ALCAM: variants seen among roughly 807,000 people sequenced by gnomAD.
ALCAM encodes the protein activated leukocyte cell adhesion molecule, also known as CD166 antigen.
ALCAM carries 30 observed loss-of-function variants against 70.9 expected under a neutral mutation model. The ratio of observed to expected loss-of-function variants is 0.42; its 90% CI spans 0.32 to 0.57. ALCAM has a LOEUF of 0.57. Ranked by LOEUF, ALCAM falls within the 20% of genes least tolerant of loss-of-function variation. The probability of loss-of-function intolerance (pLI) is 0.11; values close to 1 mark genes in which losing one functional copy is unlikely to be tolerated. For missense variants in ALCAM, 591 were observed against 695.1 expected (o/e 0.85, Z 1.68); for synonymous variants, 249 against 242.5 (o/e 1.03, Z -0.25).
intron 6 of ALCAM, among the ~76,000 whole-genome samples, chr3:105,536,760 G>A (rs778696801): frequency 7.9e-5 from 12 of 152,116 alleles, no homozygotes; most frequent in Non-Finnish European, 1.2e-4. Flanking sequence ...GAAGGAAATT[G>A]CCAATGCAAG....
chr3:105,508,722 TTG>T (rs1939148869), intron 1 of ALCAM, among the ~76,000 whole-genome samples: 1 of 152,142 alleles, frequency 6.6e-6, no homozygotes, highest in African/African-American at 2.4e-5. Context: ...TTATCATTTT[TTG>T]TGTGTGATGA....
At chr3:105,405,277 CAAAAAAAAAAA>C (rs35101188) in intron 1 of ALCAM, among the ~76,000 whole-genome samples, 16,364 of 65,906 alleles carry the variant, frequency 0.25, 1,194 homozygotes, top group Middle Eastern at 0.4. Flanking sequence ...AACTTCGTCT[CAAAAAAAAAAA>C]AAAAAAAAAA....
intron 1 of ALCAM, among the ~76,000 whole-genome samples, chr3:105,409,486 C>T (rs555265186): frequency 1.3e-5 from 2 of 152,138 alleles, no homozygotes; most frequent in African/African-American, 4.8e-5. Flanking sequence ...TATTTTCACT[C>T]ATATGTGGGA....
At chr3:105,454,897 C>T (rs959500390) in intron 1 of ALCAM, among the ~76,000 whole-genome samples, 2 of 151,422 alleles carry the variant, frequency 1.3e-5, no homozygotes, top group East Asian at 2.0e-4. Context: ...CCAGGCTGGT[C>T]TCAAACTCTT....
intron 1 of ALCAM, among the ~76,000 whole-genome samples, chr3:105,413,266 A>G (rs1936431456): frequency 6.6e-6 from 1 of 152,164 alleles, no homozygotes; most frequent in Non-Finnish European, 1.5e-5. Flanking sequence ...GATAGGTGTC[A>G]GTGGAGATAA....
chr3:105,453,373 A>G (rs914373650), intron 1 of ALCAM, among the ~76,000 whole-genome samples: 2 of 152,166 alleles, frequency 1.3e-5, no homozygotes, highest in African/African-American at 4.8e-5. Context: ...GTTGAAGATT[A>G]GATGGTTGTA....
intron 1 of ALCAM, among the ~76,000 whole-genome samples, chr3:105,516,843 G>A (rs1033910982): frequency 1.3e-5 from 2 of 152,052 alleles, no homozygotes; most frequent in Non-Finnish European, 2.9e-5. Context: ...CAGGAAGGAT[G>A]TCACAGGCAT....
intron 1 of ALCAM, among the ~76,000 whole-genome samples, chr3:105,383,236 A>G (rs902727279): frequency 2.0e-5 from 3 of 151,590 alleles, no homozygotes; most frequent in Non-Finnish European, 3.0e-5. Context: ...TGTATTGCCT[A>G]TTCATTCTTC....
chr3:105,398,718 C>G (rs1001849959), intron 1 of ALCAM, among the ~76,000 whole-genome samples: 3 of 152,044 alleles, frequency 2.0e-5, no homozygotes, highest in African/African-American at 4.8e-5. Flanking sequence ...TACCCTAAAC[C>G]ATTAACCATA....
intron 1 of ALCAM, among the ~76,000 whole-genome samples, chr3:105,432,026 G>T (rs1281958397): frequency 2.6e-5 from 4 of 151,996 alleles, no homozygotes; most frequent in Admixed American, 2.6e-4. Flanking sequence ...AAAAACGAAA[G>T]AATAAGCTAA....
rs1404088653 is a variant in ALCAM at position 105,474,649 on chromosome 3, T to G, written c.74-45418T>G. On this transcript the variant is annotated intron_variant, in intron 1 of 15. Transcript: ENST00000306107. ...AAAGAAAAGAAGCTTTATTATCATT[T>G]TACATTCAAGGGCAATCTCTTTTTT... Among the ~76,000 whole-genome samples, 4 of 151,784 alleles carry G rather than the reference T, an allele frequency of 2.6e-5. No homozygotes were observed. In the East Asian group the frequency reaches 7.7e-4, roughly 29 times the overall value.
Position 105,532,048 on chromosome 3 carries a change from A to C in ALCAM, c.441A>C (p.Glu147Asp). 1 of 1,613,400 alleles carries C rather than the reference A, an allele frequency of 6.2e-7. No individual in the cohort carries two copies. The highest frequency in any genetic ancestry group is 8.5e-7 in the Non-Finnish European group (1 of 1,179,670). The change falls in exon 4 of 16, where the codon GAA becomes GAC. Residue 147 changes from glutamate to aspartate, a missense_variant. By Grantham distance (45) the Glu-to-Asp change is conservative. Coordinates refer to ENST00000306107, the MANE Select transcript of ALCAM (RefSeq NM_001627.4). ...PEIVSKALFL[E>D]TEQLKKLGDC... ...TTGTAAGCAAAGCACTGTTTCTCGA[A>C]ACAGAGCAGCTAAAAAAGGTAAGAA...
chr3:105,514,744 A>C (rs1447411874), intron 1 of ALCAM, among the ~76,000 whole-genome samples: 1 of 151,688 alleles, frequency 6.6e-6, no homozygotes, highest in Non-Finnish European at 1.5e-5. Flanking sequence ...TGGTGGGGGG[A>C]GGAGGAAGGA....
intron 1 of ALCAM, among the ~76,000 whole-genome samples, chr3:105,426,634 CGTT>C (rs976711583): frequency 1.3e-5 from 2 of 151,816 alleles, no homozygotes; most frequent in Non-Finnish European, 2.9e-5. Context: ...GATTTGTACT[CGTT>C]GACAAATATC....
chr3:105,456,935 G>A (rs541305157), intron 1 of ALCAM, among the ~76,000 whole-genome samples: 9 of 152,196 alleles, frequency 5.9e-5, no homozygotes, highest in African/African-American at 1.7e-4. Context: ...ATTAATGTAC[G>A]TTTTTATGTA....
intron 1 of ALCAM, among the ~76,000 whole-genome samples, chr3:105,444,223 C>T (rs973627346): frequency 6.6e-6 from 1 of 152,126 alleles, no homozygotes; most frequent in African/African-American, 2.4e-5. Context: ...TAAAGAAATA[C>T]CCAAGACTGG....
At position 105,424,477 on chromosome 3, in the gene ALCAM, A is replaced by T. The variant is rs534034456; in HGVS notation, c.73+56996A>T. Among the ~76,000 whole-genome samples the T allele has an allele frequency of 3.6e-4, 54 of 151,850 alleles. No homozygotes were observed. In the Middle Eastern group the frequency reaches 0.024, roughly 67 times the overall value. ...TGAGCATAAGCATATTGGTGTTGAA[A>T]TCAGAATGTTTCATGGTGGTCTACT... On this transcript the variant is annotated intron_variant, in intron 1 of 15. Transcript: ENST00000306107.
At chr3:105,376,125 G>C (rs1484406688) in intron 1 of ALCAM, among the ~76,000 whole-genome samples, 1 of 152,122 alleles carries the variant, frequency 6.6e-6, no homozygotes, top group Non-Finnish European at 1.5e-5. Context: ...CAGAGACAGA[G>C]AGAGAGAGAG....
chr3:105,458,236 T>C (rs1937560076), intron 1 of ALCAM, among the ~76,000 whole-genome samples: 1 of 152,182 alleles, frequency 6.6e-6, no homozygotes, highest in South Asian at 2.1e-4. Context: ...AACCAAATAT[T>C]TGATATGTGT....
Sources: gnomAD v4.1 joint callset for allele counts (sites outside exome capture counted in the v4.1 genomes callset) on GRCh38, gnomAD v4.1.1 for gene constraint, MANE v1.5 for transcripts, NCBI Gene and HGNC (gene_info 2026-07-23, HGNC 2026-07-21) for gene names.